The following BRCA2 variants were observed in gnomAD, a reference collection of about 807,000 sequenced individuals.
The protein encoded by BRCA2 is BRCA2 DNA repair associated.
In BRCA2, 203 loss-of-function variants were observed where a neutral mutation model predicts 276.7. That is an observed-to-expected ratio of 0.73 (90% confidence interval 0.65 to 0.82). BRCA2 has a LOEUF of 0.82. Among genes scored for constraint, BRCA2 ranks in the 40% least tolerant of loss-of-function variants. The pLI, the probability that BRCA2 is intolerant of heterozygous loss-of-function variation, is 0.00. For synonymous variants in BRCA2, 1,289 were observed against 1,338.4 expected, an observed-to-expected ratio of 0.96 and a Z score of 0.81; for missense variants, 3,920 against 3,915.0, an observed-to-expected ratio of 1.00 and a Z score of -0.03.
chr13:32,330,852 G>A (rs2072383630), intron 8 of BRCA2, 67 bp from the exon 9 acceptor site: 2 of 937,604 alleles, frequency 2.1e-6, no homozygotes, highest in Admixed American at 2.0e-5. Flanking sequence ...CATGGATAAG[G>A]GGGGACTACT....
In BRCA2 at chr13:32,338,180, A is replaced by G. The variant is rs2137500339; in HGVS notation, c.3825A>G (p.Ile1275Met). ...ATTCTGTTGTTTCAATGTTTAAGAT[A>G]GAAAATCATAATGATAAAACTGTAA... Reference protein sequence around the residue: ...CHDSVVSMFKIENHNDKTVSE... With the variant: ...CHDSVVSMFKMENHNDKTVSE... Residue 1275 changes from isoleucine (I) to methionine (M), a missense_variant, in exon 11 of 27, where the codon ATA becomes ATG. By Grantham distance (10) the Ile-to-Met change is conservative. Coordinates refer to ENST00000380152, the MANE Select transcript of BRCA2 (RefSeq NM_000059.4). 6.4e-7 allele frequency: 1 copy of G among 1,571,006 alleles called. No individual in the cohort carries two copies. The highest frequency in any genetic ancestry group is 8.6e-7 in the Non-Finnish European group (1 of 1,157,854).
rs876658126 is a variant in BRCA2 at position 32,355,104 on chromosome 13, C to G, written c.7251C>G (p.His2417Gln). 6.2e-7 allele frequency: 1 copy of G among 1,613,536 alleles called. No homozygotes were observed. The highest frequency in any genetic ancestry group is 1.1e-5 in the South Asian group (1 of 91,070). The change falls in exon 14 of 27, where the codon CAC (histidine) becomes CAG (glutamine). Residue 2417 changes from histidine (H) to glutamine (Q), a missense_variant. Transcript: ENST00000380152. ...VPPFKTKSHF[H>Q]RVEQCVRNIN... ...CTTTTAAAACTAAATCACATTTTCA[C>G]AGAGTTGAACAGTGTGTTAGGAATA...
In BRCA2 at chr13:32,376,521, CA is replaced by C. The variant is rs200156944; in HGVS notation, c.8633-135del. ...TGGGTGACAGAGTGAGACCCTGTCTCAAAAAAAAAAAAAAGAAAAAACTTTT... is the reference window on the plus strand; with the variant it reads ...TGGGTGACAGAGTGAGACCCTGTCTCAAAAAAAAAAAAAGAAAAAACTTTT... On this transcript the variant is annotated intron_variant, in intron 20 of 26. Transcript: ENST00000380152. The C allele has an allele frequency of 0.14, 92,170 of 660,112 alleles. 20 individuals are homozygous for C. Among genetic ancestry groups the C allele is most frequent in the South Asian group, 0.18 (7,891 of 43,526 alleles). 40.9% of individuals were successfully genotyped at this position (660,112 alleles called of 1,614,324 possible). A position where few individuals can be genotyped will look rare whatever the true frequency, so the allele number is the denominator to read the frequency against.
Position 32,380,043 on chromosome 13 carries a change from CG to C in BRCA2, c.9157del (p.Glu3053SerfsTer9), listed in dbSNP as rs80359750. 1 of 1,614,046 alleles carries C rather than the reference CG, an allele frequency of 6.2e-7. No individual in the cohort carries two copies. Among genetic ancestry groups the C allele is most frequent in the Non-Finnish European group, 8.5e-7 (1 of 1,179,990 alleles). On this transcript the variant is annotated frameshift_variant, in exon 24 of 27. Coordinates refer to ENST00000380152, the MANE Select transcript of BRCA2 (RefSeq NM_000059.4). LOFTEE classifies it high-confidence loss of function. ...AATTTTATTTCAGATTTACCAGCCA[CG>C]GGAGCCCCTTCACTTCAGCAAATTT... ...DEILFQIYQP[R>X]EPLHFSKFLD...
Position 32,338,190 on chromosome 13 carries a change from AATG to A in BRCA2, c.3838_3840del (p.Asp1280del). The A allele has an allele frequency of 6.4e-7, 1 of 1,565,228 alleles. No individual in the cohort carries two copies. The highest frequency in any genetic ancestry group is 8.7e-7 in the Non-Finnish European group (1 of 1,154,930). ...TTCAATGTTTAAGATAGAAAATCAT[AATG>A]ATAAAACTGTAAGTGAAAAAAATAA... On this transcript the variant is annotated inframe_deletion, in exon 11 of 27. Coordinates refer to ENST00000380152, the MANE Select transcript of BRCA2 (RefSeq NM_000059.4).
chr13:32,336,192 A>T (rs2137481319), intron 10 of BRCA2, 73 bp from the exon 11 acceptor site: 1 of 1,488,392 alleles, frequency 6.7e-7, no homozygotes, highest in Non-Finnish European at 9.1e-7. Flanking sequence ...CTACCTTTTT[A>T]ACTTAGTGAA....
At chr13:32,327,100 A>G (rs1232730719) in intron 7 of BRCA2, among the ~76,000 whole-genome samples, 1 of 152,226 alleles carries the variant, frequency 6.6e-6, no homozygotes, top group Non-Finnish European at 1.5e-5. Flanking sequence ...CATTCATTAA[A>G]CTGTAAACTC....
rs1057521370 is a variant in BRCA2 at position 32,339,071 on chromosome 13, C to G, written c.4716C>G (p.Ala1572=). The change falls in exon 11 of 27, where the codon GCC becomes GCG. Residue 1572 remains alanine, a synonymous_variant. Transcript: ENST00000380152. ...CAAAGACCCTAAAGTACAGAGAGGC[C>G]TGTAAAGACCTTGAATTAGCATGTG... ...QWAKTLKYRE[A]CKDLELACET... 6.8e-6 allele frequency: 11 copies of G among 1,613,912 alleles called. No homozygotes were observed. Among genetic ancestry groups the G allele is most frequent in the Non-Finnish European group, 8.5e-6 (10 of 1,179,894 alleles).
rs80359078 is a variant in BRCA2, at chr13:32,370,430, G to A, written c.8360G>A (p.Arg2787His). 36 of 1,613,672 alleles carry A rather than the reference G, an allele frequency of 2.2e-5. No homozygotes were observed. Among genetic ancestry groups the A allele is most frequent in the East Asian group, 8.9e-5 (4 of 44,888 alleles). Residue 2787 changes from arginine to histidine, a missense_variant, in exon 19 of 27, where the codon CGC becomes CAC. By Grantham distance (29) the Arg-to-His change is conservative. Around this residue, in one of 2 missense-constraint regions of BRCA2, gnomAD observed 657 missense variants for 758.2 expected, o/e 0.87. Transcript: ENST00000380152. Reference sequence around the variant, plus strand: ...TCTGCTAACAGTACTCGGCCTGCTCGCTGGTATACCAAACTTGGATTCTTT... The same window carrying A: ...TCTGCTAACAGTACTCGGCCTGCTCACTGGTATACCAAACTTGGATTCTTT... ...KISANSTRPA[R>H]WYTKLGFFPD...
In BRCA2 at chr13:32,332,442, A is replaced by C. The variant is rs11571640; in HGVS notation, c.964A>C (p.Lys322Gln). Reference sequence around the variant, plus strand: ...TAAATGTAGAACAAAAAATCTACAAAAAGTAAGAACTAGCAAGACTAGGAA... The same window carrying C: ...TAAATGTAGAACAAAAAATCTACAACAAGTAAGAACTAGCAAGACTAGGAA... ...FSKCRTKNLQ[K>Q]VRTSKTRKKI... Residue 322 changes from lysine (K) to glutamine (Q), a missense_variant, in exon 10 of 27, where the codon AAA (lysine) becomes CAA (glutamine). Transcript: ENST00000380152. 293 of 1,588,614 alleles carry C rather than the reference A, an allele frequency of 1.8e-4. No homozygotes were observed. The East Asian group carries it at 6.5e-3, about 35-fold the overall frequency.
chr13:32,393,383 T>C (rs1414700952), intron 24 of BRCA2, among the ~76,000 whole-genome samples: 2 of 152,228 alleles, frequency 1.3e-5, no homozygotes, highest in Non-Finnish European at 2.9e-5. Flanking sequence ...TGTATTTATT[T>C]GGTTATTTAT....
intron 20 of BRCA2, among the ~76,000 whole-genome samples, chr13:32,375,904 C>G (rs1053856537): frequency 6.6e-6 from 1 of 152,092 alleles, no homozygotes; most frequent in Non-Finnish European, 1.5e-5. Flanking sequence ...GAAATGACTC[C>G]ATGATCCATG....
At chr13:32,361,746 A>G (rs1313776811) in intron 16 of BRCA2, among the ~76,000 whole-genome samples, 1 of 151,904 alleles carries the variant, frequency 6.6e-6, no homozygotes, top group Non-Finnish European at 1.5e-5. Context: ...GTGGATAGAT[A>G]TGAGGGTGGG....
Position 32,346,896 on chromosome 13 carries a change from G to C in BRCA2, c.7007G>C (p.Arg2336Pro), listed in dbSNP as rs28897743. ...GAGCCGATTACCTGTGTACCCTTTC[G>C]GTAAGACATGTTTAAATTTTTCTAA... The part of the protein sequence containing the change: ...SLEPITCVPF[R>P]TTKERQEIQN... Residue 2336 changes from arginine (R) to proline (P), a missense_variant and splice_region_variant, in exon 13 of 27, where the codon CGC becomes CCC. Coordinates refer to ENST00000380152, the MANE Select transcript of BRCA2 (RefSeq NM_000059.4). 2 of 1,602,852 alleles carry C rather than the reference G, an allele frequency of 1.2e-6. No individual in the cohort carries two copies.
At chr13:32,364,373 G>A (rs1203437764) in intron 18 of BRCA2, among the ~76,000 whole-genome samples, 5 of 152,152 alleles carry the variant, frequency 3.3e-5, no homozygotes, top group Admixed American at 2.0e-4. Context: ...ATCGTTTCCA[G>A]TCTGTTTGAC....
In BRCA2 at chr13:32,337,403, A is replaced by G. The variant is rs2137492555; in HGVS notation, c.3048A>G (p.Glu1016=). ...GCTTCAGAACAGCTTCAAATAAGGAAATCAAGCTCTCTGAACATAACATTA... is the reference window on the plus strand; with the variant it reads ...GCTTCAGAACAGCTTCAAATAAGGAGATCAAGCTCTCTGAACATAACATTA... ...GGSFRTASNK[E]IKLSEHNIKK... is the part of the protein sequence containing the mutation. Residue 1016 remains glutamate (E), a synonymous_variant, in exon 11 of 27, where the codon GAA becomes GAG. Transcript: ENST00000380152. 1 of 1,613,748 alleles carries G rather than the reference A, an allele frequency of 6.2e-7. No homozygotes were observed. The highest frequency in any genetic ancestry group is 8.5e-7 in the Non-Finnish European group (1 of 1,179,798).
At chr13:32,377,669 A>G (rs2072883516) in intron 21 of BRCA2, among the ~76,000 whole-genome samples, 1 of 152,076 alleles carries the variant, frequency 6.6e-6, no homozygotes, top group Non-Finnish European at 1.5e-5. Flanking sequence ...TAAAAGTTCC[A>G]TATAAATGTT....
intron 11 of BRCA2, among the ~76,000 whole-genome samples, chr13:32,342,161 T>C (rs1463196227): frequency 6.6e-6 from 1 of 150,758 alleles, no homozygotes; most frequent in Non-Finnish European, 1.5e-5. Context: ...TAATCCCAAC[T>C]ACTCCAGAAG....
chr13:32,397,733 A>T (rs2073046081), intron 26 of BRCA2, among the ~76,000 whole-genome samples: 2 of 152,180 alleles, frequency 1.3e-5, no homozygotes. Flanking sequence ...GTAGATGAGG[A>T]GACTGTGGCA....
Sources: allele counts gnomAD v4.1 joint callset (sites outside exome capture counted in the v4.1 genomes callset), GRCh38; gene constraint gnomAD v4.1.1; regional missense constraint gnomAD v4.1.1; transcripts MANE v1.5; gene names NCBI Gene and HGNC (gene_info 2026-07-23, HGNC 2026-07-21).